The following ITPKB variants were observed in gnomAD, a reference collection of about 807,000 sequenced individuals.
ITPKB encodes inositol-trisphosphate 3-kinase B, also known as IP3 3-kinase B.
ITPKB carries 13 observed loss-of-function variants against 69.4 expected under a neutral mutation model. That is an observed-to-expected ratio of 0.19 (90% CI 0.12 to 0.30). ITPKB has a LOEUF of 0.30. Ranked by LOEUF, ITPKB falls within the 10% of genes least tolerant of loss-of-function variation. ITPKB has a pLI of 1.00. For missense variants in ITPKB, 1,240 were observed against 1,250.5 expected, an observed-to-expected ratio of 0.99 and a Z score of 0.13; for synonymous variants, 584 against 513.7, an observed-to-expected ratio of 1.14 and a Z score of -1.85.
At chr1:226,659,011 C>T (rs16846351) in intron 2 of ITPKB, among the ~76,000 whole-genome samples, 1 of 152,208 alleles carries the variant, frequency 6.6e-6, no homozygotes. Context: ...GTGCGTAGAC[C>T]TGGTCGGGCT....
intron 2 of ITPKB, chr1:226,668,827 G>A (rs965496842): frequency 7.9e-5 from 12 of 152,174 alleles, no homozygotes; most frequent in Admixed American, 1.3e-4. Context: ...CAGTATTTAC[G>A]AAGTCTGATC....
In ITPKB at chr1:226,736,859, C is replaced by A. The variant is rs568251794; in HGVS notation, c.600G>T (p.Arg200=). 1 of 1,611,874 alleles carries A rather than the reference C, an allele frequency of 6.2e-7. No individual in the cohort carries two copies. The highest frequency in any genetic ancestry group is 1.1e-5 in the South Asian group (1 of 91,088). ...VLVQGARSEE[R]RTKSWGEQCP... ...ATTGCTCCCCCCAGGACTTTGTCCT[C>A]CGTTCCTCGCTCCGGGCGCCCTGAA... is the stretch of plus-strand genomic sequence containing the variant. The change falls in exon 2 of 8, where the codon CGG becomes CGT. Residue 200 remains arginine (R), a synonymous_variant. Transcript: ENST00000429204.
intron 2 of ITPKB, among the ~76,000 whole-genome samples, chr1:226,714,217 G>C (rs1313996518): frequency 6.6e-6 from 1 of 152,230 alleles, no homozygotes; most frequent in Non-Finnish European, 1.5e-5. Flanking sequence ...AATGTGAGCA[G>C]AAGTGGTAAG....
In ITPKB at chr1:226,736,328, C is replaced by T. The variant is rs1201428148; in HGVS notation, c.1131G>A (p.Leu377=). 1 of 1,612,068 alleles carries T rather than the reference C, an allele frequency of 6.2e-7. No individual in the cohort carries two copies. The highest frequency in any genetic ancestry group is 8.5e-7 in the Non-Finnish European group (1 of 1,179,456). ...EPPGKMGKGY[L]PCGMPGSGEP... is the part of the protein sequence containing the mutation. ...CCCCAGAGCCCGGCATGCCACAGGG[C>T]AGATATCCTTTCCCCATCTTCCCAG... Residue 377 remains leucine (L), a synonymous_variant, in exon 2 of 8, where the codon CTG becomes CTA. Coordinates refer to ENST00000429204, the MANE Select transcript of ITPKB (RefSeq NM_002221.4).
chr1:226,662,141 TG>T (rs1409543602), intron 2 of ITPKB, among the ~76,000 whole-genome samples: 1 of 152,140 alleles, frequency 6.6e-6, no homozygotes, highest in Admixed American at 6.5e-5. Flanking sequence ...CCCAGGGACC[TG>T]GGATCTGAAA....
rs566630781 is a variant in ITPKB at position 226,738,166 on chromosome 1, G to C, written c.-205-503C>G. On this transcript the variant is annotated intron_variant, in intron 1 of 7. Transcript: ENST00000429204. This position sits in a 1 kb window ranked among gnomAD's most constrained non-coding sequence, Gnocchi z 4.2. Reference sequence around the variant, plus strand: ...GGGGCATCAGAGACCGACCGGCTCGGAGGGAACCTAAGCGGGACCTGCCTT... The same window carrying C: ...GGGGCATCAGAGACCGACCGGCTCGCAGGGAACCTAAGCGGGACCTGCCTT... Among the ~76,000 whole-genome samples the C allele has an allele frequency of 5.4e-4, 82 of 152,268 alleles. No individual in the cohort carries two copies. The highest frequency in any genetic ancestry group is 1.0e-3 in the Non-Finnish European group (68 of 68,002).
chr1:226,655,328 C>A (rs935049432), intron 2 of ITPKB, among the ~76,000 whole-genome samples: 13 of 152,240 alleles, frequency 8.5e-5, no homozygotes, highest in African/African-American at 2.9e-4. Context: ...CCTTCTCATG[C>A]CCTGTGACTG....
chr1:226,696,700 GCACA>G (rs369648139), intron 2 of ITPKB, among the ~76,000 whole-genome samples: 2 of 151,826 alleles, frequency 1.3e-5, no homozygotes, highest in Non-Finnish European at 2.9e-5. Flanking sequence ...ACGCACACGC[GCACA>G]CACACACACG....
At position 226,641,471 on chromosome 1, in the gene ITPKB, G is replaced by C. The variant is rs1198515734; in HGVS notation, c.2451+450C>G. Reference sequence around the variant, plus strand: ...ATTTTAAAATTTCCAAAAAAAGATCGAAGAGCAAAGCAGAGAGAATGCAGT... The same window carrying C: ...ATTTTAAAATTTCCAAAAAAAGATCCAAGAGCAAAGCAGAGAGAATGCAGT... On this transcript the variant is annotated intron_variant, in intron 5 of 7. Coordinates refer to ENST00000429204, the MANE Select transcript of ITPKB (RefSeq NM_002221.4). The surrounding 1 kb of genome is among the most constrained non-coding windows in gnomAD (Gnocchi z 4.6). Among the ~76,000 whole-genome samples the C allele has an allele frequency of 1.3e-5, 2 of 152,172 alleles. No homozygotes were observed. Among genetic ancestry groups the C allele is most frequent in the Non-Finnish European group, 2.9e-5 (2 of 68,034 alleles).
intron 3 of ITPKB, 34 bp downstream of exon 3, chr1:226,648,638 C>T (rs2102746062): frequency 7.5e-7 from 1 of 1,340,192 alleles, no homozygotes; most frequent in Non-Finnish European, 1.1e-6. Context: ...GGGCTGAGCA[C>T]CATGCTGGGA....
Position 226,641,894 on chromosome 1 carries a change from G to A in ITPKB, c.2451+27C>T, listed in dbSNP as rs773918751. 45 of 1,601,856 alleles carry A rather than the reference G, an allele frequency of 2.8e-5. No homozygotes were observed. Among genetic ancestry groups the A allele is most frequent in the South Asian group, 2.8e-4 (25 of 90,270 alleles). On this transcript the variant is annotated intron_variant, in intron 5 of 7. Coordinates refer to ENST00000429204, the MANE Select transcript of ITPKB (RefSeq NM_002221.4). This position sits in a 1 kb window ranked among gnomAD's most constrained non-coding sequence, Gnocchi z 4.6. ...CCTGAGGTGGGCACGGGTGGGGCCC[G>A]AGGCTGCCCTCACTCGCCGGCCTCA...
chr1:226,636,752 CTG>C (rs3831353), intron 7 of ITPKB, among the ~76,000 whole-genome samples: 27,910 of 139,880 alleles, frequency 0.2, 2,920 homozygotes, highest in South Asian at 0.27. Flanking sequence ...GACTGCAGCT[CTG>C]TGTGTGTGTG....
At chr1:226,730,141 C>G (rs529026343) in intron 2 of ITPKB, among the ~76,000 whole-genome samples, 3 of 152,138 alleles carry the variant, frequency 2.0e-5, no homozygotes, top group Non-Finnish European at 4.4e-5. Flanking sequence ...GGTCAAGGGA[C>G]CAGGTCAGCA....
chr1:226,722,993 C>A (rs1657290818), intron 2 of ITPKB, among the ~76,000 whole-genome samples: 1 of 152,052 alleles, frequency 6.6e-6, no homozygotes, highest in African/African-American at 2.4e-5. Context: ...TTTCACACAT[C>A]CTGTGTGTAG....
rs754707590 is a variant in ITPKB, at chr1:226,736,017, C to G, written c.1442G>C (p.Cys481Ser). Residue 481 changes from cysteine to serine, a missense_variant, in exon 2 of 8, where the codon TGT (cysteine) becomes TCT (serine). Coordinates refer to ENST00000429204, the MANE Select transcript of ITPKB (RefSeq NM_002221.4). The part of the protein sequence containing the change: ...PSGRMLEPLP[C>S]WDAAKDLKEP... Reference sequence around the variant, plus strand: ...TTTCAGATCTTTCGCAGCGTCCCAACAGGGCAAAGGCTCCAGCATTCTGCC... The same window carrying G: ...TTTCAGATCTTTCGCAGCGTCCCAAGAGGGCAAAGGCTCCAGCATTCTGCC... 10 of 1,613,848 alleles carry G rather than the reference C, an allele frequency of 6.2e-6. No individual in the cohort carries two copies. The Admixed American group carries it at 1.5e-4, about 24-fold the overall frequency.
chr1:226,648,525 G>T (rs145218832), intron 3 of ITPKB, 147 bp downstream of exon 3: 1 of 654,318 alleles, frequency 1.5e-6, no homozygotes. Context: ...TGGTAAGGCC[G>T]CAGCCTGCAA....
chr1:226,636,793 T>TGTGA (rs1553315945), intron 7 of ITPKB, among the ~76,000 whole-genome samples: 50 of 130,658 alleles, frequency 3.8e-4, no homozygotes, highest in African/African-American at 1.2e-3. Flanking sequence ...TGTGTGTGTG[T>TGTGA]GAGACTGGGA....
At chr1:226,710,013 G>T (rs767083966) in intron 2 of ITPKB, among the ~76,000 whole-genome samples, 15 of 152,098 alleles carry the variant, frequency 9.9e-5, no homozygotes, top group Non-Finnish European at 1.6e-4. Context: ...TCCCTAATGG[G>T]AAGATTCACA....
Position 226,738,593 on chromosome 1 carries a change from C to T in ITPKB, c.-206+448G>A, listed in dbSNP as rs1353584475. ...CCGGACCCGCGCCCACTCGGAGGAA[C>T]TTAGGGGCGTGCATGGCTGCAGCCG... On this transcript the variant is annotated intron_variant, in intron 1 of 7. Coordinates refer to ENST00000429204, the MANE Select transcript of ITPKB (RefSeq NM_002221.4). The surrounding 1 kb of genome is among the most constrained non-coding windows in gnomAD (Gnocchi z 4.2). Among the ~76,000 whole-genome samples the T allele has an allele frequency of 2.0e-5, 3 of 152,208 alleles. No homozygotes were observed. The highest frequency in any genetic ancestry group is 7.2e-5 in the African/African-American group (3 of 41,468).
Sources: gnomAD v4.1 joint callset for allele counts (sites outside exome capture counted in the v4.1 genomes callset) on GRCh38, gnomAD v4.1.1 for gene constraint, Gnocchi (gnomAD v3.1) non-coding constraint, MANE v1.5 for transcripts, NCBI Gene and HGNC (gene_info 2026-07-23, HGNC 2026-07-21) for gene names.